The following STXBP5 variants were observed in gnomAD, a reference collection of about 807,000 sequenced individuals.
The protein encoded by STXBP5 is syntaxin binding protein 5.
STXBP5 carries 50 observed loss-of-function variants against 152.4 expected under a neutral mutation model. The ratio of observed to expected loss-of-function variants is 0.33; its 90% confidence interval spans 0.26 to 0.42. The LOEUF is 0.42. Ranked by LOEUF, STXBP5 falls within the 10% of genes least tolerant of loss-of-function variation. STXBP5 has a pLI of 1.00. For missense variants in STXBP5, 1,167 were observed against 1,388.6 expected (o/e 0.84, Z 2.54); for synonymous variants, 492 against 494.7 (o/e 0.99, Z 0.07).
intron 8 of STXBP5, among the ~76,000 whole-genome samples, chr6:147,279,323 C>A (rs1006019290): frequency 2.6e-5 from 4 of 152,086 alleles, no homozygotes; most frequent in Non-Finnish European, 5.9e-5. Context: ...TCCTTCCTGG[C>A]AAGTTTAGGG....
At chr6:147,218,834 G>A (rs1777313175) in intron 2 of STXBP5, among the ~76,000 whole-genome samples, 1 of 152,142 alleles carries the variant, frequency 6.6e-6, no homozygotes, top group Non-Finnish European at 1.5e-5. Flanking sequence ...TCACATATTG[G>A]TTGCAGGAGT....
Position 147,311,923 on chromosome 6 carries a change from A to T in STXBP5, c.1145+396A>T, listed in dbSNP as rs564865115. ...CGTGCTTTTGCCAGATTCGTTTTAC[A>T]CACAGTTCCAATCTTGTACTATCCT... On this transcript the variant is annotated intron_variant, in intron 11 of 27. Transcript: ENST00000321680. Among the ~76,000 whole-genome samples the T allele has an allele frequency of 2.0e-5, 3 of 152,274 alleles. No individual in the cohort carries two copies. In the East Asian group the frequency reaches 5.8e-4, roughly 29 times the overall value.
chr6:147,334,836 T>G (rs993726113), intron 19 of STXBP5, among the ~76,000 whole-genome samples: 1 of 152,104 alleles, frequency 6.6e-6, no homozygotes, highest in African/African-American at 2.4e-5. Context: ...TTTCTAATCC[T>G]TCATAAAGTT....
chr6:147,278,694 A>T (rs1780560355), intron 8 of STXBP5, among the ~76,000 whole-genome samples: 1 of 152,182 alleles, frequency 6.6e-6, no homozygotes, highest in Non-Finnish European at 1.5e-5. Flanking sequence ...AGGACTCAGC[A>T]TATAGTCATA....
intron 24 of STXBP5, 22 bp from the exon 25 acceptor site, chr6:147,363,979 A>G (rs1474113540): frequency 1.2e-6 from 2 of 1,607,830 alleles, no homozygotes; most frequent in East Asian, 2.2e-5. Context: ...ATTATTAACA[A>G]GTTTTTAATT....
chr6:147,244,312 A>G (rs1028493205), intron 4 of STXBP5, among the ~76,000 whole-genome samples: 1 of 152,154 alleles, frequency 6.6e-6, no homozygotes, highest in Non-Finnish European at 1.5e-5. Context: ...GTAGTTTTGT[A>G]GCAAGTTGAA....
chr6:147,230,724 C>T (rs1777960347), intron 2 of STXBP5, among the ~76,000 whole-genome samples: 1 of 151,396 alleles, frequency 6.6e-6, no homozygotes, highest in Non-Finnish European at 1.5e-5. Context: ...GTAATTTATA[C>T]TGTGGGTTCT....
intron 9 of STXBP5, among the ~76,000 whole-genome samples, chr6:147,303,166 T>C (rs1781914200): frequency 1.3e-5 from 2 of 152,204 alleles, no homozygotes; most frequent in Admixed American, 6.5e-5. Flanking sequence ...AGTACTGATA[T>C]GGTTTGACTG....
In STXBP5 at chr6:147,218,630, A is replaced by G. The variant is rs117236938; in HGVS notation, c.248+12562A>G. ...TGAGTAACTGGGACCACAGGTGCACACCATCACACCCAACTAATTTTTAAA... is the reference window on the plus strand; with the variant it reads ...TGAGTAACTGGGACCACAGGTGCACGCCATCACACCCAACTAATTTTTAAA... On this transcript the variant is annotated intron_variant, in intron 2 of 27. Coordinates refer to ENST00000321680, the MANE Select transcript of STXBP5 (RefSeq NM_001127715.4). Among the ~76,000 whole-genome samples the G allele has an allele frequency of 4.7e-4, 72 of 152,186 alleles. No individual in the cohort carries two copies. In the East Asian group the frequency reaches 0.012, roughly 26 times the overall value.
At chr6:147,253,247 A>G (rs770007393) in intron 4 of STXBP5, among the ~76,000 whole-genome samples, 3 of 152,246 alleles carry the variant, frequency 2.0e-5, no homozygotes, top group Non-Finnish European at 4.4e-5. Context: ...GGCCTTCAAC[A>G]AAATTCAACA....
chr6:147,367,628 ATT>A (rs1012541504), intron 25 of STXBP5, among the ~76,000 whole-genome samples: 16 of 152,284 alleles, frequency 1.1e-4, no homozygotes, highest in Non-Finnish European at 1.9e-4. Context: ...ACAAAGCGAG[ATT>A]CTGTCTCAAA....
At chr6:147,275,713 C>T (rs1353900189) in intron 7 of STXBP5, among the ~76,000 whole-genome samples, 1 of 151,578 alleles carries the variant, frequency 6.6e-6, no homozygotes, top group African/African-American at 2.4e-5. Context: ...ACCCACCACA[C>T]GCCTGGCTAA....
chr6:147,260,844 A>G (rs952138228), intron 5 of STXBP5, 95 bp downstream of exon 5: 11 of 1,396,398 alleles, frequency 7.9e-6, no homozygotes, highest in Non-Finnish European at 1.1e-5. Flanking sequence ...GTATGGAATT[A>G]AATATGTGAC....
intron 3 of STXBP5, among the ~76,000 whole-genome samples, chr6:147,236,148 A>G (rs1310217712): frequency 2.0e-5 from 3 of 152,208 alleles, no homozygotes; most frequent in Non-Finnish European, 4.4e-5. Context: ...GATTTAAGAA[A>G]GGCATCATGG....
intron 26 of STXBP5, among the ~76,000 whole-genome samples, chr6:147,382,516 A>G (rs1786138372): frequency 6.6e-6 from 1 of 152,128 alleles, no homozygotes; most frequent in African/African-American, 2.4e-5. Flanking sequence ...AATATTTACC[A>G]GCTCCTTTTT....
Position 147,279,232 on chromosome 6 carries a change from C to T in STXBP5, c.838+1028C>T, listed in dbSNP as rs531046989. On this transcript the variant is annotated intron_variant, in intron 8 of 27. Transcript: ENST00000321680. Reference sequence around the variant, plus strand: ...TTTTTATTATAATATTTATTAGAAACAGATTATGAAGGCCACCTTTTTTGT... The same window carrying T: ...TTTTTATTATAATATTTATTAGAAATAGATTATGAAGGCCACCTTTTTTGT... Among the ~76,000 whole-genome samples the T allele has an allele frequency of 2.0e-3, 299 of 152,200 alleles. 2 individuals are homozygous for T. Among genetic ancestry groups the T allele is most frequent in the South Asian group, 0.014 (69 of 4,832 alleles).
intron 5 of STXBP5, among the ~76,000 whole-genome samples, chr6:147,261,176 TATA>T (rs1483988957): frequency 1.4e-4 from 22 of 152,074 alleles, no homozygotes; most frequent in Non-Finnish European, 2.8e-4. Context: ...AATCATCAAA[TATA>T]ATGTTTGCTA....
intron 25 of STXBP5, among the ~76,000 whole-genome samples, chr6:147,371,423 T>C (rs974276049): frequency 5.9e-5 from 9 of 152,166 alleles, no homozygotes; most frequent in African/African-American, 2.2e-4. Context: ...CTAATTGGTT[T>C]CATCTCTATG....
intron 2 of STXBP5, among the ~76,000 whole-genome samples, chr6:147,213,477 T>TGTGTGCGTGC: frequency 7.6e-6 from 1 of 131,278 alleles, no homozygotes; most frequent in African/African-American, 3.2e-5. Flanking sequence ...TGTGTGTGTG[T>TGTGTGCGTGC]GCGCGCGCAT....
Sources: allele counts gnomAD v4.1 joint callset (sites outside exome capture counted in the v4.1 genomes callset), GRCh38; gene constraint gnomAD v4.1.1; transcripts MANE v1.5; gene names NCBI Gene and HGNC (gene_info 2026-07-23, HGNC 2026-07-21).